Variants in EBF1 observed in about 807,000 individuals in gnomAD.
The protein encoded by EBF1 is transcription factor COE1.
In EBF1, 10 loss-of-function variants were observed where a neutral mutation model predicts 68.4. That is an observed-to-expected ratio of 0.15 (90% CI 0.09 to 0.25). The LOEUF (loss-of-function observed/expected upper bound fraction) is 0.25. Ranked by LOEUF, EBF1 falls within the 10% of genes least tolerant of loss-of-function variation. The probability of loss-of-function intolerance (pLI) is 1.00; values close to 1 mark genes in which losing one functional copy is unlikely to be tolerated. For missense variants in EBF1, 509 were observed against 794.4 expected (o/e 0.64, Z 4.32); for synonymous variants, 298 against 299.8 (o/e 0.99, Z 0.06).
intron 6 of EBF1, among the ~76,000 whole-genome samples, chr5:158,988,945 T>C (rs1370557585): frequency 6.6e-6 from 1 of 152,230 alleles, no homozygotes; most frequent in Admixed American, 6.5e-5. Flanking sequence ...AATTAGTTCC[T>C]GCATAATTCC....
At chr5:158,780,671 G>A (rs936162718) in intron 9 of EBF1, among the ~76,000 whole-genome samples, 2 of 152,040 alleles carry the variant, frequency 1.3e-5, no homozygotes, top group Non-Finnish European at 2.9e-5. Flanking sequence ...TATTGAAAAG[G>A]GTGATTAGCT....
At chr5:158,706,719 C>T (rs1757952698) in intron 15 of EBF1, among the ~76,000 whole-genome samples, 1 of 152,170 alleles carries the variant, frequency 6.6e-6, no homozygotes, top group South Asian at 2.1e-4. Flanking sequence ...CTTTGTATGG[C>T]TGGGCTTAAG....
rs1583453776 is a variant in EBF1 at position 158,956,047 on chromosome 5, T to C, written c.555-115937A>G. Among the ~76,000 whole-genome samples, 6 of 151,356 alleles carry C rather than the reference T, an allele frequency of 4.0e-5. No individual in the cohort carries two copies. In the South Asian group the frequency reaches 1.3e-3, roughly 32 times the overall value. On this transcript the variant is annotated intron_variant, in intron 6 of 15. Transcript: ENST00000313708. ...ATATAAATGTGTGTGTGTGTGTGTG[T>C]GTGTGTGTGTGTGTGTGTGTGTGTG...
At chr5:158,867,946 A>C (rs1035767572) in intron 6 of EBF1, among the ~76,000 whole-genome samples, 1 of 152,190 alleles carries the variant, frequency 6.6e-6, no homozygotes, top group African/African-American at 2.4e-5. Context: ...AAAACTCAGA[A>C]GATAGCATTA....
chr5:159,070,428 G>A (rs1777600511), intron 6 of EBF1, among the ~76,000 whole-genome samples: 1 of 152,164 alleles, frequency 6.6e-6, no homozygotes, highest in Non-Finnish European at 1.5e-5. Flanking sequence ...TGCAACTGCT[G>A]ATTTTGTTAA....
At chr5:158,940,753 T>TCCCC (rs1561573370) in intron 6 of EBF1, among the ~76,000 whole-genome samples, 2 of 7,658 alleles carry the variant, frequency 2.6e-4, no homozygotes, top group Non-Finnish European at 6.4e-4. Flanking sequence ...TGCACCCCCT[T>TCCCC]CACCCCACCG....
chr5:159,096,614 G>C (rs559521778), intron 2 of EBF1: 1 of 638,494 alleles, frequency 1.6e-6, no homozygotes, highest in South Asian at 1.9e-5. Flanking sequence ...AGAAAATTCC[G>C]TCGGGCGCAC....
chr5:158,747,753 T>C (rs188584436), intron 10 of EBF1, among the ~76,000 whole-genome samples: 238 of 152,358 alleles, frequency 1.6e-3, no homozygotes, highest in Admixed American at 4.6e-3. Context: ...TAGTAGTTCA[T>C]AGTAATTGAT....
chr5:159,028,615 G>C lies in EBF1; in HGVS notation c.554+44781C>G, dbSNP rs569543561. Among the ~76,000 whole-genome samples, 3 of 152,288 alleles carry C rather than the reference G, an allele frequency of 2.0e-5. 1 individual carries two copies. Among genetic ancestry groups the C allele is most frequent in the African/African-American group, 7.2e-5 (3 of 41,568 alleles). On this transcript the variant is annotated intron_variant, in intron 6 of 15. Transcript: ENST00000313708. The stretch of plus-strand genomic sequence containing the variant: ...GTAAGATATTCAACATGAAAACAGA[G>C]AGACTTCATCTGTTTTGTTCACAGC...
At chr5:158,793,575 A>T (rs1340837791) in intron 9 of EBF1, among the ~76,000 whole-genome samples, 2 of 151,814 alleles carry the variant, frequency 1.3e-5, no homozygotes, top group African/African-American at 2.4e-5. Context: ...CTTCCTTTAT[A>T]AAAAAAATAT....
intron 6 of EBF1, among the ~76,000 whole-genome samples, chr5:158,883,651 T>C (rs1216173455): frequency 1.3e-5 from 2 of 151,806 alleles, no homozygotes; most frequent in Admixed American, 6.6e-5. Context: ...CCTATGAGAG[T>C]AGTTAGCCCC....
intron 6 of EBF1, among the ~76,000 whole-genome samples, chr5:159,069,983 C>T (rs1382740202): frequency 2.0e-5 from 3 of 152,150 alleles, no homozygotes; most frequent in African/African-American, 7.2e-5. Context: ...GTTACTGTGT[C>T]AATATGTAAA....
chr5:158,753,253 C>T (rs1031741038), intron 10 of EBF1, among the ~76,000 whole-genome samples: 1 of 152,026 alleles, frequency 6.6e-6, no homozygotes, highest in East Asian at 1.9e-4. Context: ...ACATGTATAA[C>T]AGGAAATCTG....
chr5:158,837,311 A>G (rs2127951867), intron 7 of EBF1, among the ~76,000 whole-genome samples: 1 of 152,290 alleles, frequency 6.6e-6, no homozygotes, highest in South Asian at 2.1e-4. Flanking sequence ...TAAAATGTTA[A>G]CTGTGCCCAG....
chr5:159,064,002 C>G (rs938186238), intron 6 of EBF1, among the ~76,000 whole-genome samples: 5 of 151,890 alleles, frequency 3.3e-5, no homozygotes. Context: ...TATGCCTTTG[C>G]CATCATACTG....
At chr5:158,733,480 CA>C (rs1196510154) in intron 10 of EBF1, among the ~76,000 whole-genome samples, 13 of 152,152 alleles carry the variant, frequency 8.5e-5, no homozygotes, top group African/African-American at 2.9e-4. Context: ...GGCCAGCTCA[CA>C]GAGGAATGAC....
intron 6 of EBF1, among the ~76,000 whole-genome samples, chr5:159,061,840 A>G (rs1001502633): frequency 6.6e-6 from 1 of 152,118 alleles, no homozygotes; most frequent in Non-Finnish European, 1.5e-5. Context: ...AGGTTAGTTT[A>G]ATATAATATT....
intron 7 of EBF1, among the ~76,000 whole-genome samples, chr5:158,836,913 C>T (rs1295038661): frequency 1.3e-5 from 2 of 152,150 alleles, no homozygotes; most frequent in Non-Finnish European, 2.9e-5. Flanking sequence ...TTTTAGGACC[C>T]ATTTGAGAAT....
chr5:159,053,382 C>T (rs1774168277), intron 6 of EBF1, among the ~76,000 whole-genome samples: 1 of 152,136 alleles, frequency 6.6e-6, no homozygotes, highest in Non-Finnish European at 1.5e-5. Context: ...GACAATAACA[C>T]ATAGAACATG....
Sources: gnomAD v4.1 joint callset for allele counts (sites outside exome capture counted in the v4.1 genomes callset) on GRCh38, gnomAD v4.1.1 for gene constraint, MANE v1.5 for transcripts, NCBI Gene and HGNC (gene_info 2026-07-23, HGNC 2026-07-21) for gene names.